PLD1: variants seen among roughly 807,000 people sequenced by gnomAD.
PLD1 encodes the protein choline phosphatase 1.
PLD1 carries 112 observed loss-of-function variants against 137.1 expected under a neutral mutation model. The observed-to-expected ratio is 0.82, with a 90% CI of 0.70 to 0.96. The LOEUF (loss-of-function observed/expected upper bound fraction) is 0.96. Among genes scored for constraint, PLD1 ranks in the 40% least tolerant of loss-of-function variants. The pLI is 0.00. For missense variants in PLD1, 1,321 were observed against 1,342.0 expected (o/e 0.98, Z 0.24); for synonymous variants, 431 against 454.7 (o/e 0.95, Z 0.66).
chr3:171,775,080 G>A (rs985227957), intron 1 of PLD1, among the ~76,000 whole-genome samples: 11 of 152,120 alleles, frequency 7.2e-5, no homozygotes, highest in African/African-American at 2.7e-4. Flanking sequence ...AAGGCTAAGG[G>A]TGTCAGACAG....
chr3:171,665,644 G>A (rs1712043354), intron 19 of PLD1, among the ~76,000 whole-genome samples: 2 of 151,746 alleles, frequency 1.3e-5, no homozygotes, highest in Admixed American at 6.6e-5. Flanking sequence ...AGGTTGCAGT[G>A]AGCCGAAATC....
Position 171,730,899 on chromosome 3 carries a change from A to C in PLD1, c.606+2545T>G, listed in dbSNP as rs141364626. ...GGTTATCCACCTGCCTTGGCCTCCC[A>C]AAATGCTGGGATTGCAGGCATGAGC... On this transcript the variant is annotated intron_variant, in intron 6 of 26. Transcript: ENST00000351298. 4.6e-3 allele frequency among the ~76,000 whole-genome samples: 706 copies of C among 152,336 alleles called. 3 individuals carry two copies. The highest frequency in any genetic ancestry group is 0.016 in the African/African-American group (682 of 41,580).
At chr3:171,676,061 C>T (rs1232857860) in intron 18 of PLD1, among the ~76,000 whole-genome samples, 1 of 151,962 alleles carries the variant, frequency 6.6e-6, no homozygotes, top group African/African-American at 2.4e-5. Context: ...AGGCTGGTCT[C>T]GAACTCCTGA....
chr3:171,716,585 A>T (rs1717700717), intron 8 of PLD1, among the ~76,000 whole-genome samples: 1 of 151,862 alleles, frequency 6.6e-6, no homozygotes, highest in African/African-American at 2.4e-5. Flanking sequence ...TTTTAATGGA[A>T]TTTTTTGTTT....
intron 21 of PLD1, among the ~76,000 whole-genome samples, chr3:171,649,128 A>G (rs1415705731): frequency 2.0e-5 from 3 of 152,172 alleles, no homozygotes; most frequent in Non-Finnish European, 2.9e-5. Flanking sequence ...TTAAGCAAAA[A>G]TGATTTTACA....
chr3:171,800,188 A>G (rs1474077908), intron 1 of PLD1, among the ~76,000 whole-genome samples: 1 of 152,044 alleles, frequency 6.6e-6, no homozygotes, highest in Non-Finnish European at 1.5e-5. Flanking sequence ...ATCTAAAACA[A>G]ACATAATTTT....
intron 6 of PLD1, among the ~76,000 whole-genome samples, chr3:171,730,724 C>G (rs1202491744): frequency 6.7e-6 from 1 of 150,110 alleles, no homozygotes; most frequent in Admixed American, 6.6e-5. Context: ...CTGCAACCTC[C>G]GCCTCCCGGG....
intron 23 of PLD1, among the ~76,000 whole-genome samples, chr3:171,639,541 A>T (rs549149716): frequency 1.1e-3 from 83 of 73,842 alleles, no homozygotes; most frequent in African/African-American, 2.9e-3. Context: ...TATATTATAT[A>T]AATATATATT....
intron 6 of PLD1, 29 bp from the exon 7 acceptor site, chr3:171,726,105 G>A: frequency 6.6e-7 from 1 of 1,521,772 alleles, no homozygotes; most frequent in South Asian, 1.1e-5. Flanking sequence ...TCCATCTTTA[G>A]CAAGCAAAAC....
chr3:171,609,113 C>G (rs574927294), intron 25 of PLD1, among the ~76,000 whole-genome samples: 1 of 152,044 alleles, frequency 6.6e-6, no homozygotes, highest in Non-Finnish European at 1.5e-5. Flanking sequence ...AGAAGACACA[C>G]AAGCAGCCAA....
intron 8 of PLD1, among the ~76,000 whole-genome samples, chr3:171,720,252 C>A (rs148462951): frequency 0.032 from 4,617 of 145,140 alleles, 279 homozygotes; most frequent in African/African-American, 0.12. Context: ...CGAGATCATA[C>A]CACTGCACTC....
At position 171,792,512 on chromosome 3, in the gene PLD1, A is replaced by C. The variant is rs1162636768; in HGVS notation, c.-32+17887T>G. ...TCTGCAAGGTGAGAAGGGGGCCCTCAGACACGAAGGTCTCGCTGAGCAAAC... is the reference window on the plus strand; with the variant it reads ...TCTGCAAGGTGAGAAGGGGGCCCTCCGACACGAAGGTCTCGCTGAGCAAAC... On this transcript the variant is annotated intron_variant, in intron 1 of 26. Transcript: ENST00000351298. The C allele has an allele frequency of 6.7e-6, 3 of 449,484 alleles. No homozygotes were observed. The Admixed American group carries it at 7.1e-5, about 11-fold the overall frequency. 27.8% of individuals were successfully genotyped at this position (449,484 alleles called of 1,614,324 possible).
At chr3:171,614,332 A>G (rs7642800) in intron 24 of PLD1, among the ~76,000 whole-genome samples, 10,643 of 152,246 alleles carry the variant, frequency 0.07, 1,083 homozygotes, top group African/African-American at 0.22. Context: ...ATTTGCAGCT[A>G]TATCTTTGAG....
chr3:171,761,505 A>C (rs2108308102), intron 1 of PLD1, among the ~76,000 whole-genome samples: 1 of 152,272 alleles, frequency 6.6e-6, no homozygotes, highest in East Asian at 1.9e-4. Context: ...GAGCAAAACC[A>C]GCAAAAAGCA....
chr3:171,679,421 T>C (rs1042430923), intron 16 of PLD1, among the ~76,000 whole-genome samples: 6 of 152,224 alleles, frequency 3.9e-5, no homozygotes, highest in Middle Eastern at 3.2e-3. Context: ...CGGGTAGGTC[T>C]GTTTGCTCAT....
At chr3:171,643,314 G>A (rs1016011407) in intron 22 of PLD1, among the ~76,000 whole-genome samples, 9 of 152,124 alleles carry the variant, frequency 5.9e-5, no homozygotes, top group Non-Finnish European at 1.0e-4. Flanking sequence ...TAAACTATTA[G>A]AATGGACTGT....
intron 19 of PLD1, among the ~76,000 whole-genome samples, chr3:171,670,870 T>A (rs1478306585): frequency 6.6e-6 from 1 of 152,230 alleles, no homozygotes; most frequent in Non-Finnish European, 1.5e-5. Context: ...AAGAAGTGTA[T>A]CTGTGGTGGC....
At chr3:171,609,990 C>T (rs1183037269) in intron 25 of PLD1, among the ~76,000 whole-genome samples, 9 of 152,014 alleles carry the variant, frequency 5.9e-5, no homozygotes, top group Admixed American at 4.6e-4. Context: ...TTATACATGG[C>T]TAATAAACAT....
At chr3:171,741,794 T>G (rs1719792963) in intron 1 of PLD1, among the ~76,000 whole-genome samples, 1 of 152,228 alleles carries the variant, frequency 6.6e-6, no homozygotes, top group African/African-American at 2.4e-5. Flanking sequence ...TTCTTGATTT[T>G]CAACAAGATT....
Sources: allele counts gnomAD v4.1 joint callset (sites outside exome capture counted in the v4.1 genomes callset), GRCh38; gene constraint gnomAD v4.1.1; transcripts MANE v1.5; gene names NCBI Gene and HGNC (gene_info 2026-07-23, HGNC 2026-07-21).